The following DOCK9 variants were observed in gnomAD, a reference collection of about 807,000 sequenced individuals.
DOCK9 encodes the protein dedicator of cytokinesis protein 9.
In DOCK9, 89 loss-of-function variants were observed where a neutral mutation model predicts 263.3. The observed-to-expected ratio is 0.34, with a 90% CI of 0.28 to 0.40. The LOEUF (loss-of-function observed/expected upper bound fraction) is 0.40. Among genes scored for constraint, DOCK9 ranks in the 10% least tolerant of loss-of-function variants. DOCK9 has a pLI of 1.00. For synonymous variants in DOCK9, 976 were observed against 973.1 expected (o/e 1.00, Z -0.06); for missense variants, 2,140 against 2,603.4 (o/e 0.82, Z 3.87).
At chr13:99,019,482 G>T (rs1363244630) in intron 1 of DOCK9, among the ~76,000 whole-genome samples, 1 of 152,060 alleles carries the variant, frequency 6.6e-6, no homozygotes, top group Admixed American at 6.5e-5. Context: ...AGGCAGAGAG[G>T]AAAGTCCAGG....
intron 15 of DOCK9, among the ~76,000 whole-genome samples, chr13:98,894,960 A>AAG (rs2047168795): frequency 9.9e-6 from 1 of 100,950 alleles, no homozygotes; most frequent in African/African-American, 3.9e-5. Context: ...TAAAATACAA[A>AAG]AAAAAAAAAA....
intron 20 of DOCK9, 197 bp from the exon 21 acceptor site, chr13:98,885,289 T>C (rs543627358): frequency 2.8e-6 from 2 of 718,560 alleles, no homozygotes; most frequent in African/African-American, 3.6e-5. Context: ...GTTAGAATTC[T>C]ACAATCTTCT....
At chr13:98,913,550 A>T (rs2050403992) in intron 9 of DOCK9, among the ~76,000 whole-genome samples, 1 of 152,228 alleles carries the variant, frequency 6.6e-6, no homozygotes, top group Non-Finnish European at 1.5e-5. Flanking sequence ...AAACATTTTT[A>T]AACATACTAA....
chr13:98,974,713 G>GTAC (rs538070954), intron 1 of DOCK9, among the ~76,000 whole-genome samples: 1 of 116,574 alleles, frequency 8.6e-6, no homozygotes, highest in Non-Finnish European at 1.6e-5. Context: ...TCATGCCATT[G>GTAC]TACTCCAGCC....
In DOCK9 at chr13:98,898,208, C is replaced by G. The variant is rs532551195; in HGVS notation, c.1557G>C (p.Gln519His). 6.2e-7 allele frequency: 1 copy of G among 1,611,934 alleles called. No individual in the cohort carries two copies. Among genetic ancestry groups the G allele is most frequent in the Non-Finnish European group, 8.5e-7 (1 of 1,179,090 alleles). Residue 519 changes from glutamine (Q) to histidine (H), a missense_variant, in exon 14 of 53, where the codon CAG becomes CAC. By Grantham distance (24) the Gln-to-His change is conservative. Transcript: ENST00000682017. ...NAKQACQRLG[Q>H]YRMPFAWAAR... is the part of the protein sequence containing the mutation. ...CTGCCCAAGCAAATGGCATTCTATACTGTCCTAGTCTTTGGCATGCCTGCT... is the reference window on the plus strand; with the variant it reads ...CTGCCCAAGCAAATGGCATTCTATAGTGTCCTAGTCTTTGGCATGCCTGCT...
At chr13:99,009,348 C>T (rs1884063593) in intron 1 of DOCK9, among the ~76,000 whole-genome samples, 1 of 152,084 alleles carries the variant, frequency 6.6e-6, no homozygotes, top group South Asian at 2.1e-4. Flanking sequence ...ACAACAAAAC[C>T]CACCGGGCAT....
chr13:99,077,914 G>C (rs2041975000), intron 1 of DOCK9, among the ~76,000 whole-genome samples: 1 of 152,190 alleles, frequency 6.6e-6, no homozygotes, highest in Non-Finnish European at 1.5e-5. Flanking sequence ...AGATCTGGGA[G>C]TCCTTGGCCC....
At chr13:98,846,088 G>T (rs1160977961) in intron 37 of DOCK9, 28 bp from the exon 38 acceptor site, 1 of 1,554,112 alleles carries the variant, frequency 6.4e-7, no homozygotes, top group Admixed American at 2.0e-5. Flanking sequence ...TGGGATAGAA[G>T]CAAAAGTTAG....
intron 52 of DOCK9, among the ~76,000 whole-genome samples, chr13:98,796,894 C>T (rs1461578011): frequency 2.6e-5 from 4 of 152,030 alleles, no homozygotes; most frequent in Admixed American, 6.6e-5. Flanking sequence ...CACGAGGAGG[C>T]GGGCCCGCTC....
chr13:98,905,041 G>A (rs2048874361), intron 9 of DOCK9, among the ~76,000 whole-genome samples: 1 of 152,224 alleles, frequency 6.6e-6, no homozygotes, highest in Non-Finnish European at 1.5e-5. Context: ...TGGAATGAAG[G>A]GGCAGAATCG....
chr13:99,005,399 G>T (rs1352652119), intron 1 of DOCK9, among the ~76,000 whole-genome samples: 1 of 151,992 alleles, frequency 6.6e-6, no homozygotes, highest in Non-Finnish European at 1.5e-5. Context: ...TTCCTGAATT[G>T]CAATTAAACT....
chr13:98,978,083 A>G, upstream of DOCK9: 1 of 1,420,880 alleles, frequency 7.0e-7, no homozygotes, highest in Non-Finnish European at 9.1e-7. Flanking sequence ...GGAAGGCATG[A>G]CAGCAAAGGC....
chr13:98,841,733 T>G (rs560349011), intron 38 of DOCK9, among the ~76,000 whole-genome samples: 73 of 151,698 alleles, frequency 4.8e-4, no homozygotes, highest in Non-Finnish European at 8.8e-4. Flanking sequence ...GCAATTCTCC[T>G]GCCTCAACCT....
chr13:99,025,895 G>C (rs1050795841), intron 1 of DOCK9, among the ~76,000 whole-genome samples: 1 of 152,134 alleles, frequency 6.6e-6, no homozygotes, highest in Non-Finnish European at 1.5e-5. Flanking sequence ...CACAGCATGG[G>C]TGACTCTTAA....
intron 1 of DOCK9, among the ~76,000 whole-genome samples, chr13:99,083,021 G>A (rs530851605): frequency 4.6e-5 from 7 of 152,256 alleles, no homozygotes; most frequent in Admixed American, 2.6e-4. Flanking sequence ...TTGGGAGGCC[G>A]AGGCAGGCAG....
At chr13:98,800,717 G>A (rs1405755688) in intron 49 of DOCK9, among the ~76,000 whole-genome samples, 1 of 152,088 alleles carries the variant, frequency 6.6e-6, no homozygotes, top group Non-Finnish European at 1.5e-5. Context: ...CTTTTAATGT[G>A]ACAAGCGTGT....
chr13:98,806,802 G>A (rs1475356628), intron 48 of DOCK9, among the ~76,000 whole-genome samples: 3 of 151,834 alleles, frequency 2.0e-5, no homozygotes, highest in East Asian at 3.9e-4. Flanking sequence ...CCAGCTACTC[G>A]GGAGGCTGAG....
intron 39 of DOCK9, chr13:98,833,167 A>G (rs1449559822): frequency 6.6e-6 from 1 of 150,432 alleles, no homozygotes; most frequent in Non-Finnish European, 1.5e-5. Context: ...ATTCTCAACC[A>G]TGAGAATTAG....
At chr13:98,965,982 C>A (rs1252233354) in intron 1 of DOCK9, among the ~76,000 whole-genome samples, 1 of 152,028 alleles carries the variant, frequency 6.6e-6, no homozygotes, top group Non-Finnish European at 1.5e-5. Flanking sequence ...TTTGTCAAAT[C>A]AATAGCACCT....
Sources: gnomAD v4.1 joint callset for allele counts (sites outside exome capture counted in the v4.1 genomes callset) on GRCh38, gnomAD v4.1.1 for gene constraint, MANE v1.5 for transcripts, NCBI Gene and HGNC (gene_info 2026-07-23, HGNC 2026-07-21) for gene names.